The following TMEM163 variants were observed in gnomAD, a reference collection of about 807,000 sequenced individuals.
The protein encoded by TMEM163 is transmembrane protein 163.
In TMEM163, 17 loss-of-function variants were observed where a neutral mutation model predicts 29.3. That is an observed-to-expected ratio of 0.58 (90% confidence interval 0.40 to 0.87). The LOEUF is 0.87. Among genes scored for constraint, TMEM163 ranks in the 40% least tolerant of loss-of-function variants. TMEM163 has a pLI of 0.00. For missense variants in TMEM163, 303 were observed against 381.5 expected, an observed-to-expected ratio of 0.79 and a Z score of 1.71; for synonymous variants, 157 against 160.6, an observed-to-expected ratio of 0.98 and a Z score of 0.17.
At chr2:134,637,038 TA>T (rs1239153007) in intron 2 of TMEM163, among the ~76,000 whole-genome samples, 1 of 152,196 alleles carries the variant, frequency 6.6e-6, no homozygotes, top group Non-Finnish European at 1.5e-5. Flanking sequence ...TGAGTAATAA[TA>T]AAACTCCAGT....
At chr2:134,462,857 G>A (rs1220215226) in intron 6 of TMEM163, among the ~76,000 whole-genome samples, 1 of 152,250 alleles carries the variant, frequency 6.6e-6, no homozygotes, top group Admixed American at 6.5e-5. Flanking sequence ...TGGGCAGGGT[G>A]GGGCCAGGGA....
At chr2:134,507,198 T>A (rs1174341738) in intron 4 of TMEM163, among the ~76,000 whole-genome samples, 1 of 152,060 alleles carries the variant, frequency 6.6e-6, no homozygotes, top group Non-Finnish European at 1.5e-5. Flanking sequence ...TAGCTGGGCA[T>A]GGTGGTGTAT....
chr2:134,715,537 C>G (rs1472165722), intron 1 of TMEM163, among the ~76,000 whole-genome samples: 1 of 152,134 alleles, frequency 6.6e-6, no homozygotes, highest in Non-Finnish European at 1.5e-5. Flanking sequence ...TCAACTTTTG[C>G]TTATTTTCTG....
chr2:134,703,976 C>T (rs1684755550), intron 2 of TMEM163, among the ~76,000 whole-genome samples: 1 of 151,826 alleles, frequency 6.6e-6, no homozygotes, highest in African/African-American at 2.4e-5. Context: ...CGGATTTTGT[C>T]AGCTACTTCT....
At chr2:134,595,292 G>A (rs1682047882) in intron 2 of TMEM163, among the ~76,000 whole-genome samples, 1 of 151,878 alleles carries the variant, frequency 6.6e-6, no homozygotes, top group South Asian at 2.1e-4. Flanking sequence ...AGGCCCTGGT[G>A]TGTGATGTTC....
chr2:134,540,922 G>A (rs978732093), intron 4 of TMEM163, among the ~76,000 whole-genome samples: 34 of 152,134 alleles, frequency 2.2e-4, no homozygotes, highest in Admixed American at 3.9e-4. Flanking sequence ...CTAGGGGTTC[G>A]GGATAAAAAG....
In TMEM163 at chr2:134,507,634, G is replaced by C. The variant is rs145162226; in HGVS notation, c.459-4637C>G. ...TAATTCTAGCACTTTCAGAGGCCCAGGCAGATCTGCTTGAGGCCAGGAGTC... is the reference window on the plus strand; with the variant it reads ...TAATTCTAGCACTTTCAGAGGCCCACGCAGATCTGCTTGAGGCCAGGAGTC... On this transcript the variant is annotated intron_variant, in intron 4 of 7. Transcript: ENST00000281924. Among the ~76,000 whole-genome samples, 111 of 152,242 alleles carry C rather than the reference G, an allele frequency of 7.3e-4. 1 individual carries two copies. In the East Asian group the frequency reaches 0.02, roughly 27 times the overall value.
intron 2 of TMEM163, among the ~76,000 whole-genome samples, chr2:134,649,491 A>G (rs193135579): frequency 6.6e-6 from 1 of 152,350 alleles, no homozygotes; most frequent in East Asian, 1.9e-4. Flanking sequence ...GACATTTAAG[A>G]GCATAACAAT....
At chr2:134,532,089 T>C (rs1387541719) in intron 4 of TMEM163, among the ~76,000 whole-genome samples, 1 of 152,202 alleles carries the variant, frequency 6.6e-6, no homozygotes, top group African/African-American at 2.4e-5. Flanking sequence ...ATGGACTCAG[T>C]TGGTTTCAAA....
chr2:134,457,059 G>A (rs915343200), intron 7 of TMEM163, among the ~76,000 whole-genome samples: 6 of 152,156 alleles, frequency 3.9e-5, no homozygotes, highest in African/African-American at 9.6e-5. Flanking sequence ...ATCACATAAC[G>A]TGGCCTTTTG....
chr2:134,689,095 T>C (rs1347638690), intron 2 of TMEM163, among the ~76,000 whole-genome samples: 3 of 150,826 alleles, frequency 2.0e-5, no homozygotes, highest in Non-Finnish European at 2.9e-5. Context: ...ATGGAGTGCC[T>C]AAGTTTTTTG....
chr2:134,457,796 GC>G (rs1686433250), intron 7 of TMEM163, among the ~76,000 whole-genome samples: 1 of 152,228 alleles, frequency 6.6e-6, no homozygotes, highest in Admixed American at 6.5e-5. Context: ...ATCAAGGAGT[GC>G]CTTTGTGGCT....
intron 4 of TMEM163, among the ~76,000 whole-genome samples, chr2:134,507,041 A>G (rs1679839490): frequency 6.6e-6 from 1 of 152,124 alleles, no homozygotes; most frequent in South Asian, 2.1e-4. Flanking sequence ...GACTGAAACC[A>G]AATTTAAATT....
intron 5 of TMEM163, among the ~76,000 whole-genome samples, chr2:134,497,248 C>CTAA (rs1558923123): frequency 6.6e-6 from 1 of 152,200 alleles, no homozygotes; most frequent in Non-Finnish European, 1.5e-5. Flanking sequence ...AAAACTCTAG[C>CTAA]CATTATTGCT....
chr2:134,607,134 A>C (rs1574276437), intron 2 of TMEM163, among the ~76,000 whole-genome samples: 3 of 120,922 alleles, frequency 2.5e-5, no homozygotes, highest in Non-Finnish European at 5.2e-5. Flanking sequence ...TGCTGGTGAA[A>C]AGGAGGACAG....
chr2:134,648,787 G>A (rs1205280870), intron 2 of TMEM163, among the ~76,000 whole-genome samples: 1 of 152,150 alleles, frequency 6.6e-6, no homozygotes. Context: ...CTAAGAACTT[G>A]CTTCCTGCCA....
intron 2 of TMEM163, among the ~76,000 whole-genome samples, chr2:134,623,249 G>A (rs1454525608): frequency 6.6e-6 from 1 of 152,062 alleles, no homozygotes; most frequent in Non-Finnish European, 1.5e-5. Flanking sequence ...ATATATGTGG[G>A]GATTTTTCTT....
chr2:134,672,961 G>A (rs1684024584), intron 2 of TMEM163, among the ~76,000 whole-genome samples: 1 of 152,030 alleles, frequency 6.6e-6, no homozygotes, highest in Admixed American at 6.5e-5. Flanking sequence ...TCCTATACCT[G>A]CAAGTTCCAC....
At chr2:134,674,978 G>A (rs1238516958) in intron 2 of TMEM163, among the ~76,000 whole-genome samples, 1 of 152,204 alleles carries the variant, frequency 6.6e-6, no homozygotes, top group African/African-American at 2.4e-5. Context: ...CCCTGAATAC[G>A]TACATAATTT....
Sources: gnomAD v4.1 joint callset for allele counts (sites outside exome capture counted in the v4.1 genomes callset) on GRCh38, gnomAD v4.1.1 for gene constraint, MANE v1.5 for transcripts, NCBI Gene and HGNC (gene_info 2026-07-23, HGNC 2026-07-21) for gene names.